The following CNTNAP5 variants were observed in gnomAD, a reference collection of about 807,000 sequenced individuals.
CNTNAP5 encodes contactin-associated protein-like 5.
In CNTNAP5, 72 loss-of-function variants were observed where a neutral mutation model predicts 150.2. The observed-to-expected ratio is 0.48, with a 90% CI of 0.40 to 0.58. CNTNAP5 has a LOEUF of 0.58. Among genes scored for constraint, CNTNAP5 ranks in the 20% least tolerant of loss-of-function variants. The pLI is 0.00. For synonymous variants in CNTNAP5, 672 were observed against 619.8 expected, an observed-to-expected ratio of 1.08 and a Z score of -1.25; for missense variants, 1,636 against 1,626.2, an observed-to-expected ratio of 1.01 and a Z score of -0.10.
At chr2:124,376,001 T>C (rs1370571843) in intron 3 of CNTNAP5, among the ~76,000 whole-genome samples, 2 of 152,064 alleles carry the variant, frequency 1.3e-5, no homozygotes, top group Non-Finnish European at 2.9e-5. Flanking sequence ...TGCACTGGAA[T>C]CAGGTTTGGA....
chr2:124,345,530 T>C (rs1242972845), intron 3 of CNTNAP5, among the ~76,000 whole-genome samples: 1 of 152,168 alleles, frequency 6.6e-6, no homozygotes, highest in Non-Finnish European at 1.5e-5. Flanking sequence ...TGGAAAGAAG[T>C]GCTTATGAAA....
At chr2:124,360,299 T>G (rs2104713734) in intron 3 of CNTNAP5, among the ~76,000 whole-genome samples, 1 of 150,896 alleles carries the variant, frequency 6.6e-6, no homozygotes, top group Admixed American at 6.6e-5. Flanking sequence ...GAGCATTTAG[T>G]CCATTTACAT....
At chr2:124,896,564 A>G (rs1406825733) in intron 21 of CNTNAP5, among the ~76,000 whole-genome samples, 1 of 151,156 alleles carries the variant, frequency 6.6e-6, no homozygotes, top group Non-Finnish European at 1.5e-5. Context: ...TTTTGAGACA[A>G]TTTTGCTCTT....
At chr2:124,468,231 C>A (rs969721577) in intron 6 of CNTNAP5, among the ~76,000 whole-genome samples, 1 of 152,054 alleles carries the variant, frequency 6.6e-6, no homozygotes, top group African/African-American at 2.4e-5. Flanking sequence ...CAAGGTGAAG[C>A]CCCATGGTAG....
intron 6 of CNTNAP5, among the ~76,000 whole-genome samples, chr2:124,461,072 G>C (rs548499053): frequency 1.3e-5 from 2 of 152,216 alleles, no homozygotes; most frequent in East Asian, 3.9e-4. Context: ...CTTTTACACT[G>C]TTGGTGGGAC....
At chr2:124,348,040 C>T (rs1193582665) in intron 3 of CNTNAP5, among the ~76,000 whole-genome samples, 4 of 152,060 alleles carry the variant, frequency 2.6e-5, no homozygotes, top group African/African-American at 9.7e-5. Flanking sequence ...CTGTGTTAGC[C>T]AGGATGGTCT....
chr2:124,498,152 G>A (rs933639458), intron 7 of CNTNAP5, among the ~76,000 whole-genome samples: 1 of 152,158 alleles, frequency 6.6e-6, no homozygotes, highest in Admixed American at 6.5e-5. Context: ...CTGGTTTAGT[G>A]GCAGAATGGC....
chr2:124,188,898 C>A (rs1264718166), intron 1 of CNTNAP5, among the ~76,000 whole-genome samples: 1 of 152,064 alleles, frequency 6.6e-6, no homozygotes, highest in African/African-American at 2.4e-5. Flanking sequence ...TTGGATTAAT[C>A]ATAACCTAAA....
At chr2:124,905,749 T>G (rs1282109558) in intron 22 of CNTNAP5, among the ~76,000 whole-genome samples, 1 of 152,084 alleles carries the variant, frequency 6.6e-6, no homozygotes, top group African/African-American at 2.4e-5. Flanking sequence ...GGGGTGGCTG[T>G]GTTGCAGCTT....
At chr2:124,188,025 G>T (rs1054131203) in intron 1 of CNTNAP5, among the ~76,000 whole-genome samples, 2 of 152,168 alleles carry the variant, frequency 1.3e-5, no homozygotes. Flanking sequence ...AGAGAATCTG[G>T]TGGTATCAGA....
chr2:124,159,726 A>G (rs1684629638), intron 1 of CNTNAP5, among the ~76,000 whole-genome samples: 2 of 152,328 alleles, frequency 1.3e-5, no homozygotes, highest in South Asian at 2.1e-4. Context: ...AACTAAGTAA[A>G]GATGAATAAG....
At chr2:124,751,946 G>C (rs919283798) in intron 14 of CNTNAP5, among the ~76,000 whole-genome samples, 1 of 152,170 alleles carries the variant, frequency 6.6e-6, no homozygotes, top group African/African-American at 2.4e-5. Flanking sequence ...AAGAAACTGA[G>C]TCTCAGAGAT....
intron 6 of CNTNAP5, among the ~76,000 whole-genome samples, chr2:124,463,250 A>C (rs1271145327): frequency 6.6e-6 from 1 of 152,222 alleles, no homozygotes; most frequent in East Asian, 1.9e-4. Flanking sequence ...ATCTAATGTA[A>C]AAATATAGTA....
chr2:124,584,886 T>C (rs1208774989), intron 11 of CNTNAP5, among the ~76,000 whole-genome samples: 1 of 152,214 alleles, frequency 6.6e-6, no homozygotes, highest in Non-Finnish European at 1.5e-5. Flanking sequence ...GGCGAAAGCA[T>C]GGAGCGTAGA....
chr2:124,821,934 G>A (rs1573640084), intron 19 of CNTNAP5, among the ~76,000 whole-genome samples: 1 of 152,178 alleles, frequency 6.6e-6, no homozygotes, highest in Admixed American at 6.5e-5. Context: ...ACCATGGTGA[G>A]GTCTTCAGGA....
chr2:124,231,514 T>C (rs1686619634), intron 2 of CNTNAP5, among the ~76,000 whole-genome samples: 1 of 152,170 alleles, frequency 6.6e-6, no homozygotes, highest in Non-Finnish European at 1.5e-5. Context: ...ATAAAGATGC[T>C]CTTGACATAA....
chr2:124,839,157 A>G (rs144291993), intron 19 of CNTNAP5, among the ~76,000 whole-genome samples: 9 of 152,192 alleles, frequency 5.9e-5, no homozygotes, highest in Non-Finnish European at 1.0e-4. Context: ...TGCTCCTTCC[A>G]GTAGAGTGTA....
At chr2:124,105,031 TGCTCTACACA>T (rs147577120) in intron 1 of CNTNAP5, among the ~76,000 whole-genome samples, 1 of 151,860 alleles carries the variant, frequency 6.6e-6, no homozygotes, top group African/African-American at 2.4e-5. Context: ...CCTTCAGAGC[TGCTCTACACA>T]TATATAAGCA....
intron 13 of CNTNAP5, among the ~76,000 whole-genome samples, chr2:124,729,575 C>A (rs1266288291): frequency 6.6e-6 from 1 of 151,962 alleles, no homozygotes; most frequent in African/African-American, 2.4e-5. Flanking sequence ...TGAAATGAAT[C>A]TTAGAATCAA....
Sources: gnomAD v4.1 joint callset for allele counts (sites outside exome capture counted in the v4.1 genomes callset) on GRCh38, gnomAD v4.1.1 for gene constraint, MANE v1.5 for transcripts, NCBI Gene and HGNC (gene_info 2026-07-23, HGNC 2026-07-21) for gene names.